RABGAP1L: variants seen among roughly 807,000 people sequenced by gnomAD.
The protein encoded by RABGAP1L is rab GTPase-activating protein 1-like.
Under a neutral mutation model 137.7 loss-of-function variants are expected in RABGAP1L, and 63 were observed. The observed-to-expected ratio is 0.46, with a 90% confidence interval of 0.37 to 0.56. RABGAP1L has a LOEUF of 0.56. Among genes scored for constraint, RABGAP1L ranks in the 20% least tolerant of loss-of-function variants. The probability of loss-of-function intolerance (pLI) is 0.00; values close to 1 mark genes in which losing one functional copy is unlikely to be tolerated. For missense variants in RABGAP1L, 1,095 were observed against 1,244.0 expected (o/e 0.88, Z 1.80); for synonymous variants, 431 against 433.7 (o/e 0.99, Z 0.08).
intron 4 of RABGAP1L, among the ~76,000 whole-genome samples, chr1:174,233,762 G>C (rs1157431298): frequency 7.4e-6 from 1 of 135,826 alleles, no homozygotes; most frequent in Non-Finnish European, 1.5e-5. Context: ...ATGATTTATA[G>C]TCATTTGGGT....
chr1:174,311,042 C>G (rs567435712), intron 11 of RABGAP1L, among the ~76,000 whole-genome samples: 31 of 152,260 alleles, frequency 2.0e-4, no homozygotes, highest in African/African-American at 7.2e-4. Flanking sequence ...CCGCCTCCCC[C>G]TGCAACCCAT....
rs1679993319 is a variant in RABGAP1L, at chr1:174,321,583, G to T, written c.1465+16456G>T. Among the ~76,000 whole-genome samples, 3 of 152,182 alleles carry T rather than the reference G, an allele frequency of 2.0e-5. No individual in the cohort carries two copies. The South Asian group carries it at 6.2e-4, about 32-fold the overall frequency. The stretch of plus-strand genomic sequence containing the variant: ...AAAGAACCTACATTGAAATATTGGG[G>T]GTGGTTCCTCTGATAATGAATAATG... On this transcript the variant is annotated intron_variant, in intron 11 of 25. Coordinates refer to ENST00000681986, the MANE Select transcript of RABGAP1L (RefSeq NM_001366446.1).
At chr1:174,809,435 G>T (rs1047042621) in intron 18 of RABGAP1L, among the ~76,000 whole-genome samples, 3 of 152,192 alleles carry the variant, frequency 2.0e-5, no homozygotes, top group African/African-American at 7.2e-5. Flanking sequence ...GGTCCGGTGT[G>T]TGAGAATGTA....
At chr1:174,214,758 A>G (rs1184003311) in intron 1 of RABGAP1L, among the ~76,000 whole-genome samples, 1 of 152,204 alleles carries the variant, frequency 6.6e-6, no homozygotes, top group Non-Finnish European at 1.5e-5. Context: ...TGTTCAATAA[A>G]TGGTGCTGGG....
intron 14 of RABGAP1L, among the ~76,000 whole-genome samples, chr1:174,669,744 C>T (rs1677044370): frequency 6.6e-6 from 1 of 152,106 alleles, no homozygotes; most frequent in Admixed American, 6.5e-5. Context: ...CTGTTCTTTC[C>T]ACATTGTATG....
At chr1:174,180,607 G>C (rs1666274518) in intron 1 of RABGAP1L, among the ~76,000 whole-genome samples, 1 of 152,072 alleles carries the variant, frequency 6.6e-6, no homozygotes, top group South Asian at 2.1e-4. Flanking sequence ...TGGGACTGAA[G>C]GCATATGCCA....
At chr1:174,958,411 A>C (rs141182204) in intron 20 of RABGAP1L, among the ~76,000 whole-genome samples, 5 of 152,294 alleles carry the variant, frequency 3.3e-5, no homozygotes, top group Non-Finnish European at 5.9e-5. Context: ...ATCTCTCTTC[A>C]ACATGCTTTA....
At chr1:174,732,215 A>G (rs923416586) in intron 17 of RABGAP1L, among the ~76,000 whole-genome samples, 2 of 148,048 alleles carry the variant, frequency 1.4e-5, no homozygotes, top group Admixed American at 6.7e-5. Context: ...AAAAAAAAAC[A>G]TGGATTGTTA....
intron 13 of RABGAP1L, among the ~76,000 whole-genome samples, chr1:174,396,942 C>T (rs1434808664): frequency 1.4e-5 from 2 of 145,724 alleles, no homozygotes. Context: ...ATTTCAAGAC[C>T]AGCCTAGGCT....
chr1:174,397,321 G>C (rs547902627), intron 13 of RABGAP1L, among the ~76,000 whole-genome samples: 1 of 152,194 alleles, frequency 6.6e-6, no homozygotes, highest in Admixed American at 6.5e-5. Context: ...CTCTGGCAGT[G>C]TGGTTGGCAG....
chr1:174,609,576 A>G (rs1057338973), intron 13 of RABGAP1L, among the ~76,000 whole-genome samples: 2 of 152,196 alleles, frequency 1.3e-5, no homozygotes, highest in Non-Finnish European at 2.9e-5. Context: ...GTTAAGCACT[A>G]TAATCCAGAG....
chr1:174,672,099 C>G (rs1394514227), intron 14 of RABGAP1L, among the ~76,000 whole-genome samples: 1 of 151,992 alleles, frequency 6.6e-6, no homozygotes, highest in African/African-American at 2.4e-5. Flanking sequence ...TCTAAGTTAT[C>G]TAATTCGTTG....
intron 3 of RABGAP1L, among the ~76,000 whole-genome samples, chr1:174,224,319 AC>A (rs1451693352): frequency 6.6e-6 from 1 of 152,094 alleles, no homozygotes; most frequent in African/African-American, 2.4e-5. Flanking sequence ...CTACTAAAAT[AC>A]AAAAATTAGC....
chr1:174,618,138 G>A (rs1419046331), intron 13 of RABGAP1L, among the ~76,000 whole-genome samples: 4 of 152,174 alleles, frequency 2.6e-5, no homozygotes, highest in South Asian at 2.1e-4. Flanking sequence ...TAAACAAAGC[G>A]GCTGGGAAGC....
intron 17 of RABGAP1L, among the ~76,000 whole-genome samples, chr1:174,725,785 G>T (rs1476290185): frequency 6.6e-6 from 1 of 151,982 alleles, no homozygotes; most frequent in African/African-American, 2.4e-5. Context: ...TGTGTTCTGG[G>T]ACAGTGTTTA....
At chr1:174,484,115 A>T (rs192756359) in intron 13 of RABGAP1L, among the ~76,000 whole-genome samples, 2 of 152,132 alleles carry the variant, frequency 1.3e-5, no homozygotes, top group African/African-American at 4.8e-5. Flanking sequence ...GGGTGAAAAG[A>T]TATCTCGTAG....
intron 10 of RABGAP1L, among the ~76,000 whole-genome samples, chr1:174,282,708 T>C (rs1310443729): frequency 6.6e-6 from 1 of 152,190 alleles, no homozygotes; most frequent in Non-Finnish European, 1.5e-5. Context: ...GTTGTGAAGA[T>C]GTTCTTTATG....
At chr1:174,423,743 T>C (rs923624114) in intron 13 of RABGAP1L, among the ~76,000 whole-genome samples, 3 of 152,146 alleles carry the variant, frequency 2.0e-5, no homozygotes, top group African/African-American at 7.2e-5. Flanking sequence ...CCCTTTCTTA[T>C]AGGGAATGCT....
intron 11 of RABGAP1L, among the ~76,000 whole-genome samples, chr1:174,362,266 T>C (rs983475300): frequency 6.6e-6 from 1 of 152,198 alleles, no homozygotes. Flanking sequence ...GTCTTTATAA[T>C]AGAACAATTT....
Sources: gnomAD v4.1 joint callset for allele counts (sites outside exome capture counted in the v4.1 genomes callset) on GRCh38, gnomAD v4.1.1 for gene constraint, MANE v1.5 for transcripts, NCBI Gene and HGNC (gene_info 2026-07-23, HGNC 2026-07-21) for gene names.